Variants in DCC observed in about 807,000 individuals in gnomAD.
DCC encodes DCC netrin 1 receptor, also known as netrin receptor DCC.
A neutral mutation model predicts 172.5 loss-of-function variants in DCC; 58 were observed. The ratio of observed to expected loss-of-function variants is 0.34; its 90% CI spans 0.27 to 0.42. DCC has a LOEUF of 0.42. DCC is among the 10% of genes least tolerant of loss of function. DCC has a pLI of 1.00. For missense variants in DCC, 1,740 were observed against 1,791.0 expected, an observed-to-expected ratio of 0.97 and a Z score of 0.51; for synonymous variants, 709 against 644.5, an observed-to-expected ratio of 1.10 and a Z score of -1.52.
rs73467158 is a variant in DCC, at chr18:53,100,709, C to T, written c.1261+34543C>T. Among the ~76,000 whole-genome samples the T allele has an allele frequency of 1.5e-3, 226 of 152,098 alleles. 2 individuals carry two copies. Among genetic ancestry groups the T allele is most frequent in the African/African-American group, 5.3e-3 (222 of 41,508 alleles). ...ACCGAGCTACCTGTGTAGCAGAGGT[C>T]TCGGGGATCGGATGTCTAGTTGTGC... On this transcript the variant is annotated intron_variant, in intron 7 of 28. Transcript: ENST00000442544.
chr18:53,021,101 C>T (rs1200136637), intron 5 of DCC, among the ~76,000 whole-genome samples: 2 of 152,144 alleles, frequency 1.3e-5, no homozygotes, highest in African/African-American at 4.8e-5. Flanking sequence ...CCACTGACGG[C>T]CTGAGGGAAA....
intron 7 of DCC, among the ~76,000 whole-genome samples, chr18:53,107,362 T>A (rs948011837): frequency 2.6e-5 from 4 of 151,826 alleles, no homozygotes; most frequent in Non-Finnish European, 5.9e-5. Flanking sequence ...TTCTACTGTC[T>A]TTTATGTTCT....
intron 2 of DCC, among the ~76,000 whole-genome samples, chr18:52,760,777 CAAAGT>C (rs2037148415): frequency 6.6e-6 from 1 of 152,062 alleles, no homozygotes; most frequent in African/African-American, 2.4e-5. Flanking sequence ...AGCTTTTCTA[CAAAGT>C]AAAGAGACAT....
intron 1 of DCC, among the ~76,000 whole-genome samples, chr18:52,399,344 T>G (rs1162406680): frequency 6.6e-6 from 1 of 151,956 alleles, no homozygotes; most frequent in Non-Finnish European, 1.5e-5. Flanking sequence ...AAGGCACTGT[T>G]TAATTTTCAT....
At chr18:53,439,609 A>G (rs188773154) in intron 22 of DCC, among the ~76,000 whole-genome samples, 1 of 152,086 alleles carries the variant, frequency 6.6e-6, no homozygotes, top group East Asian at 1.9e-4. Context: ...TTAAAAATGT[A>G]CTCTTGGAAT....
intron 2 of DCC, among the ~76,000 whole-genome samples, chr18:52,755,613 C>G (rs935737183): frequency 2.0e-5 from 3 of 152,250 alleles, no homozygotes; most frequent in African/African-American, 7.2e-5. Flanking sequence ...GGGCATATAT[C>G]TTCCCAGTAA....
Position 53,224,996 on chromosome 18 carries a change from T to A in DCC, c.1911+9399T>A, listed in dbSNP as rs77878381. ...GAAAAAATATGGCAGAAATTTGGAA[T>A]ACTTAACATTTAGAGATTGGGCAGA... is the stretch of plus-strand genomic sequence containing the variant. On this transcript the variant is annotated intron_variant, in intron 12 of 28. Transcript: ENST00000442544. Among the ~76,000 whole-genome samples, 417 of 152,204 alleles carry A rather than the reference T, an allele frequency of 2.7e-3. 1 individual carries two copies. The highest frequency in any genetic ancestry group is 9.2e-3 in the African/African-American group (383 of 41,538).
intron 7 of DCC, among the ~76,000 whole-genome samples, chr18:53,151,331 C>T (rs1421184070): frequency 2.0e-5 from 3 of 152,184 alleles, no homozygotes; most frequent in African/African-American, 7.2e-5. Context: ...AAGCAAGTGA[C>T]TGTCTCTAAC....
At chr18:53,345,822 G>T (rs2057717734) in intron 15 of DCC, among the ~76,000 whole-genome samples, 1 of 149,026 alleles carries the variant, frequency 6.7e-6, no homozygotes, top group Admixed American at 6.7e-5. Flanking sequence ...TTGACTCTAT[G>T]GTTTTTGATG....
chr18:53,511,917 T>C (rs966648899), intron 27 of DCC, among the ~76,000 whole-genome samples: 50 of 152,248 alleles, frequency 3.3e-4, no homozygotes, highest in African/African-American at 1.2e-3. Context: ...CCAGGCTTGC[T>C]TAGGTAAACA....
At chr18:53,219,035 A>C in intron 12 of DCC, among the ~76,000 whole-genome samples, 1 of 152,124 alleles carries the variant, frequency 6.6e-6, no homozygotes, top group Non-Finnish European at 1.5e-5. Context: ...TAACTCTTTG[A>C]ACCTGTGAAA....
At chr18:52,576,787 G>C (rs192661641) in intron 1 of DCC, among the ~76,000 whole-genome samples, 1 of 146,502 alleles carries the variant, frequency 6.8e-6, no homozygotes, top group Admixed American at 7.0e-5. Flanking sequence ...CTGAGATTGC[G>C]CCACTGCACT....
At chr18:52,682,184 G>A (rs1035198219) in intron 1 of DCC, among the ~76,000 whole-genome samples, 5 of 151,988 alleles carry the variant, frequency 3.3e-5, no homozygotes, top group African/African-American at 7.2e-5. Flanking sequence ...AATATGAACC[G>A]GTCAATGTAA....
intron 2 of DCC, among the ~76,000 whole-genome samples, chr18:52,800,968 G>C (rs2037973945): frequency 6.6e-6 from 1 of 152,160 alleles, no homozygotes; most frequent in Admixed American, 6.5e-5. Flanking sequence ...AGCCTTGTTA[G>C]AGAGATAGGA....
At chr18:53,527,038 C>T (rs1456998846) in intron 28 of DCC, 3 of 447,490 alleles carry the variant, frequency 6.7e-6, no homozygotes, top group African/African-American at 6.0e-5. Flanking sequence ...TGTGGTTTTA[C>T]ACCCATATAT....
intron 12 of DCC, among the ~76,000 whole-genome samples, chr18:53,242,440 C>T (rs887664231): frequency 6.6e-6 from 1 of 152,246 alleles, no homozygotes; most frequent in Admixed American, 6.5e-5. Context: ...TCGATATCTG[C>T]TCCATTTTCC....
At chr18:52,776,000 A>T (rs2037424924) in intron 2 of DCC, among the ~76,000 whole-genome samples, 1 of 152,132 alleles carries the variant, frequency 6.6e-6, no homozygotes, top group African/African-American at 2.4e-5. Flanking sequence ...ACAATAGGGA[A>T]CTTCTTTCTC....
At chr18:53,252,262 A>C (rs1489224102) in intron 12 of DCC, among the ~76,000 whole-genome samples, 2 of 151,886 alleles carry the variant, frequency 1.3e-5, no homozygotes, top group Admixed American at 6.6e-5. Context: ...TACATACTGC[A>C]TAGGATTTTA....
At chr18:52,504,627 G>A (rs962428237) in intron 1 of DCC, among the ~76,000 whole-genome samples, 3 of 152,140 alleles carry the variant, frequency 2.0e-5, no homozygotes, top group African/African-American at 2.4e-5. Flanking sequence ...AAATCTATTG[G>A]AAGATAGAGC....
Sources: gnomAD v4.1 joint callset for allele counts (sites outside exome capture counted in the v4.1 genomes callset) on GRCh38, gnomAD v4.1.1 for gene constraint, MANE v1.5 for transcripts, NCBI Gene and HGNC (gene_info 2026-07-23, HGNC 2026-07-21) for gene names.